The following DCC variants were observed in gnomAD, a reference collection of about 807,000 sequenced individuals.
DCC encodes the protein DCC netrin 1 receptor, also known as netrin receptor DCC.
In DCC, 58 loss-of-function variants were observed where a neutral mutation model predicts 172.5. The ratio of observed to expected loss-of-function variants is 0.34; its 90% CI spans 0.27 to 0.42. DCC has a LOEUF of 0.42. DCC is among the 10% of genes least tolerant of loss of function. DCC has a pLI of 1.00. For missense variants in DCC, 1,740 were observed against 1,791.0 expected, an observed-to-expected ratio of 0.97 and a Z score of 0.51; for synonymous variants, 709 against 644.5, an observed-to-expected ratio of 1.10 and a Z score of -1.52.
chr18:53,004,346 A>G (rs938556393), intron 5 of DCC, among the ~76,000 whole-genome samples: 4 of 152,210 alleles, frequency 2.6e-5, no homozygotes, highest in African/African-American at 9.6e-5. Context: ...CTGCATGTTA[A>G]TCTTTAATAA....
At chr18:53,196,034 C>T (rs954485159) in intron 9 of DCC, among the ~76,000 whole-genome samples, 1 of 152,142 alleles carries the variant, frequency 6.6e-6, no homozygotes, top group African/African-American at 2.4e-5. Context: ...TTTATCTAAA[C>T]ATTTCAATCA....
intron 1 of DCC, among the ~76,000 whole-genome samples, chr18:52,701,832 A>C (rs1383644005): frequency 1.3e-5 from 2 of 152,182 alleles, no homozygotes; most frequent in Non-Finnish European, 2.9e-5. Flanking sequence ...TCCATCTTGA[A>C]TGTTAATCCA....
intron 1 of DCC, among the ~76,000 whole-genome samples, chr18:52,447,120 G>A (rs996751744): frequency 6.6e-6 from 1 of 152,132 alleles, no homozygotes; most frequent in Non-Finnish European, 1.5e-5. Context: ...ATTTCTTACA[G>A]ATAAGACACA....
intron 7 of DCC, among the ~76,000 whole-genome samples, chr18:53,111,394 T>TATA (rs1326555166): frequency 7.1e-6 from 1 of 141,586 alleles, no homozygotes; most frequent in African/African-American, 2.7e-5. Context: ...AAACTTAAAG[T>TATA]ATAATAATAA....
chr18:53,085,790 C>T (rs1279713091), intron 7 of DCC, among the ~76,000 whole-genome samples: 1 of 151,552 alleles, frequency 6.6e-6, no homozygotes, highest in Non-Finnish European at 1.5e-5. Flanking sequence ...CAAAGTTACT[C>T]ATTTTCAGAT....
At chr18:52,497,218 G>A (rs1478638584) in intron 1 of DCC, among the ~76,000 whole-genome samples, 16 of 140,960 alleles carry the variant, frequency 1.1e-4, no homozygotes, top group Admixed American at 3.8e-4. Context: ...CTATGATGGC[G>A]CCACTGCTCT....
intron 25 of DCC, among the ~76,000 whole-genome samples, chr18:53,471,148 A>C (rs2045691249): frequency 6.6e-6 from 1 of 152,146 alleles, no homozygotes; most frequent in East Asian, 1.9e-4. Flanking sequence ...AGCTTTTTGA[A>C]AAACAAAAAA....
intron 2 of DCC, among the ~76,000 whole-genome samples, chr18:52,841,288 A>T (rs1330506341): frequency 1.7e-5 from 2 of 118,706 alleles, no homozygotes; most frequent in African/African-American, 6.5e-5. Flanking sequence ...TTTCTGCTTA[A>T]AAAAAAAACA....
intron 15 of DCC, among the ~76,000 whole-genome samples, chr18:53,365,973 C>G (rs2058000832): frequency 6.6e-6 from 1 of 152,132 alleles, no homozygotes; most frequent in African/African-American, 2.4e-5. Context: ...GCAGGAGATT[C>G]ACTTACAACA....
intron 14 of DCC, among the ~76,000 whole-genome samples, chr18:53,336,842 A>T: frequency 6.6e-6 from 1 of 152,130 alleles, no homozygotes; most frequent in Non-Finnish European, 1.5e-5. Context: ...CACCACTGCA[A>T]TCCAGCCTGG....
At chr18:53,420,362 G>A (rs1218720117) in intron 21 of DCC, among the ~76,000 whole-genome samples, 1 of 152,200 alleles carries the variant, frequency 6.6e-6, no homozygotes, top group Non-Finnish European at 1.5e-5. Flanking sequence ...CATCTTGTTA[G>A]TGGGGTGGCA....
intron 2 of DCC, among the ~76,000 whole-genome samples, chr18:52,784,741 C>T (rs1420388177): frequency 2.0e-5 from 3 of 151,860 alleles, no homozygotes; most frequent in Non-Finnish European, 4.4e-5. Context: ...AGATCGTTTA[C>T]CCACTTTTTA....
chr18:53,104,374 A>G (rs4497765), intron 7 of DCC, among the ~76,000 whole-genome samples: 104,862 of 151,842 alleles, frequency 0.69, 38,020 homozygotes, highest in African/African-American at 0.9. Context: ...TAAGTCTCAC[A>G]AGATCTGATG....
intron 5 of DCC, among the ~76,000 whole-genome samples, chr18:52,943,364 G>A (rs1399141126): frequency 1.3e-5 from 2 of 152,224 alleles, no homozygotes; most frequent in South Asian, 2.1e-4. Context: ...CCTATCTGCT[G>A]TAATTACTGT....
intron 5 of DCC, among the ~76,000 whole-genome samples, chr18:52,992,772 T>C (rs1440252237): frequency 6.6e-6 from 1 of 152,070 alleles, no homozygotes; most frequent in Non-Finnish European, 1.5e-5. Flanking sequence ...GGGCAGGAGT[T>C]TGAGACCACC....
chr18:53,501,274 C>A (rs1242227993), intron 27 of DCC, among the ~76,000 whole-genome samples: 2 of 152,072 alleles, frequency 1.3e-5, no homozygotes, highest in Admixed American at 1.3e-4. Context: ...AGTCTTAACC[C>A]CATTTTAGGC....
chr18:53,335,864 A>G (rs1303832470), intron 14 of DCC, among the ~76,000 whole-genome samples: 1 of 152,174 alleles, frequency 6.6e-6, no homozygotes, highest in Non-Finnish European at 1.5e-5. Context: ...ACATGGCGGC[A>G]GACAAGAGAA....
Position 53,533,520 on chromosome 18 carries a change from G to T in DCC, c.*2867G>T, listed in dbSNP as rs931085258. ...TTTTCTTTAAATTTCACCCTAATAA[G>T]AAAGCTATTTTCTCTCCTCTGCAGA... On this transcript the variant is annotated 3_prime_UTR_variant, in exon 29 of 29. Transcript: ENST00000442544. The T allele has an allele frequency of 6.6e-6, 1 of 151,960 alleles. No individual in the cohort carries two copies. The highest frequency in any genetic ancestry group is 1.5e-5 in the Non-Finnish European group (1 of 67,988). The allele number at this position is 151,960 out of a possible 1,614,324, so 9.4% of individuals were successfully genotyped here.
intron 2 of DCC, among the ~76,000 whole-genome samples, chr18:52,878,602 C>T (rs1290776490): frequency 2.0e-5 from 3 of 152,154 alleles, no homozygotes; most frequent in African/African-American, 7.2e-5. Context: ...CACACTAAAC[C>T]ACCTTTCCTA....
Sources: gnomAD v4.1 joint callset for allele counts (sites outside exome capture counted in the v4.1 genomes callset) on GRCh38, gnomAD v4.1.1 for gene constraint, MANE v1.5 for transcripts, NCBI Gene and HGNC (gene_info 2026-07-23, HGNC 2026-07-21) for gene names.